The following FSTL4 variants were observed in gnomAD, a reference collection of about 807,000 sequenced individuals.
FSTL4 encodes the protein follistatin like 4.
A neutral mutation model predicts 78.2 loss-of-function variants in FSTL4; 28 were observed. The observed-to-expected ratio is 0.36, with a 90% CI of 0.27 to 0.49. The LOEUF is 0.49. Ranked by LOEUF, FSTL4 falls within the 20% of genes least tolerant of loss-of-function variation. The pLI, the probability that FSTL4 is intolerant of heterozygous loss-of-function variation, is 0.98. For missense variants in FSTL4, 922 were observed against 1,084.9 expected (o/e 0.85, Z 2.11); for synonymous variants, 422 against 440.5 (o/e 0.96, Z 0.53).
At chr5:133,434,405 G>A (rs578150208) in intron 3 of FSTL4, among the ~76,000 whole-genome samples, 1 of 152,264 alleles carries the variant, frequency 6.6e-6, no homozygotes, top group South Asian at 2.1e-4. Context: ...TTTATATCAT[G>A]CTTTTAAACT....
At chr5:133,367,009 A>G (rs1335827258) in intron 4 of FSTL4, among the ~76,000 whole-genome samples, 3 of 152,196 alleles carry the variant, frequency 2.0e-5, no homozygotes, top group Non-Finnish European at 4.4e-5. Context: ...GCAGGATGAG[A>G]AGGCATCCCC....
intron 3 of FSTL4, among the ~76,000 whole-genome samples, chr5:133,425,305 C>G (rs1036997742): frequency 6.6e-6 from 1 of 152,194 alleles, no homozygotes; most frequent in African/African-American, 2.4e-5. Flanking sequence ...CCTGTCCCAG[C>G]CTGGTCTTGT....
chr5:133,359,984 A>G (rs1397809026), intron 4 of FSTL4, among the ~76,000 whole-genome samples: 1 of 152,174 alleles, frequency 6.6e-6, no homozygotes, highest in African/African-American at 2.4e-5. Flanking sequence ...AGCCTGCCTC[A>G]AGGCTCTCTG....
At chr5:133,785,948 A>G in the FSTL4 span, among the ~76,000 whole-genome samples, 3 of 152,200 alleles carry the variant, frequency 2.0e-5, no homozygotes, top group African/African-American at 7.2e-5. Context: ...GCCAGGAGGT[A>G]GGACAAGTAG....
At chr5:133,331,952 T>C (rs1332566696) in intron 4 of FSTL4, among the ~76,000 whole-genome samples, 3 of 152,170 alleles carry the variant, frequency 2.0e-5, no homozygotes, top group Non-Finnish European at 4.4e-5. Context: ...CCCTCATTTC[T>C]GTGAAAGTCG....
At position 133,406,214 on chromosome 5, in the gene FSTL4, G is replaced by A. The variant is rs1410076177; in HGVS notation, c.161-5228C>T. Among the ~76,000 whole-genome samples, 3 of 152,210 alleles carry A rather than the reference G, an allele frequency of 2.0e-5. No individual in the cohort carries two copies. The East Asian group carries it at 5.8e-4, about 29-fold the overall frequency. On this transcript the variant is annotated intron_variant, in intron 3 of 15. Coordinates refer to ENST00000265342, the MANE Select transcript of FSTL4 (RefSeq NM_015082.2). ...GGCAGAGACCTGGGGGAAGGAGAGA[G>A]TGGAGCACCCTTGGGTGCCCTGGAA... is the stretch of plus-strand genomic sequence containing the variant.
At chr5:133,212,392 T>C (rs536559085) in intron 13 of FSTL4, among the ~76,000 whole-genome samples, 4 of 152,232 alleles carry the variant, frequency 2.6e-5, no homozygotes, top group Admixed American at 6.5e-5. Flanking sequence ...AGCAAGGCTA[T>C]GGCAGCCAAG....
intron 4 of FSTL4, among the ~76,000 whole-genome samples, chr5:133,330,522 A>G (rs539038105): frequency 2.6e-5 from 4 of 152,276 alleles, no homozygotes; most frequent in Admixed American, 2.6e-4. Context: ...GATGGTGCCA[A>G]GCCATTCATG....
rs1162440450 is a variant in FSTL4 at position 133,199,452 on chromosome 5, G to C, written c.2172C>G (p.Thr724=). 3.1e-6 allele frequency: 5 copies of C among 1,614,180 alleles called. No homozygotes were observed. The South Asian group carries it at 5.5e-5, about 18-fold the overall frequency. ...QEITVRGEIQ[T]LYDLQINSGI... ...CCGAGTTTATTTGCAGGTCATACAGGGTCTGGATCTCGCCCCGCACTGTGA... is the reference window on the plus strand; with the variant it reads ...CCGAGTTTATTTGCAGGTCATACAGCGTCTGGATCTCGCCCCGCACTGTGA... Residue 724 remains threonine, a synonymous_variant, in exon 16 of 16, where the codon ACC becomes ACG. Coordinates refer to ENST00000265342, the MANE Select transcript of FSTL4 (RefSeq NM_015082.2). The surrounding 1 kb of genome is among the most constrained non-coding windows in gnomAD (Gnocchi z 4.4).
intron 13 of FSTL4, among the ~76,000 whole-genome samples, chr5:133,215,345 GGA>G (rs1298231421): frequency 1.3e-5 from 2 of 152,172 alleles, no homozygotes; most frequent in East Asian, 3.9e-4. Flanking sequence ...CCAGTTTCCT[GGA>G]TTAATACAGT....
chr5:133,815,678 G>A, the FSTL4 span, among the ~76,000 whole-genome samples: 160 of 152,288 alleles, frequency 1.1e-3, 4 homozygotes, highest in East Asian at 0.022. Context: ...TTAGGGGTAC[G>A]GTTTGGGAAT....
At chr5:133,422,712 T>C (rs1756724597) in intron 3 of FSTL4, among the ~76,000 whole-genome samples, 1 of 152,180 alleles carries the variant, frequency 6.6e-6, no homozygotes, top group Non-Finnish European at 1.5e-5. Flanking sequence ...ACCTAGGGAA[T>C]GAGAGTAAAT....
intron 4 of FSTL4, among the ~76,000 whole-genome samples, chr5:133,332,234 G>A (rs559421726): frequency 3.8e-4 from 58 of 152,300 alleles, no homozygotes; most frequent in African/African-American, 1.3e-3. Flanking sequence ...GGAAAGGAGC[G>A]AAAGCAGCAG....
chr5:133,208,385 T>TG (rs1209270885), intron 14 of FSTL4: 2 of 152,236 alleles, frequency 1.3e-5, no homozygotes, highest in African/African-American at 4.8e-5. Flanking sequence ...TCTTAAAACT[T>TG]GGAGTGCTGG....
intron 3 of FSTL4, among the ~76,000 whole-genome samples, chr5:133,410,294 G>A (rs987018478): frequency 6.6e-6 from 1 of 152,088 alleles, no homozygotes; most frequent in Non-Finnish European, 1.5e-5. Flanking sequence ...CTTATTCCCT[G>A]TCACCGGCCC....
chr5:133,546,492 C>T (rs2545543), intron 3 of FSTL4, among the ~76,000 whole-genome samples: 55,195 of 129,240 alleles, frequency 0.43, 11,341 homozygotes, highest in African/African-American at 0.5. Flanking sequence ...GCTGACAGAG[C>T]GAGACTTTGT....
At chr5:133,357,003 A>G (rs989883492) in intron 4 of FSTL4, among the ~76,000 whole-genome samples, 2 of 152,336 alleles carry the variant, frequency 1.3e-5, no homozygotes, top group Admixed American at 1.3e-4. Context: ...CCAGCACCCA[A>G]CTAAAGGTTG....
chr5:133,718,831 G>A, the FSTL4 span, among the ~76,000 whole-genome samples: 3 of 152,216 alleles, frequency 2.0e-5, no homozygotes, highest in African/African-American at 7.2e-5. Context: ...TCAAGTAAAT[G>A]TATTACTGCC....
At chr5:133,441,258 T>C (rs1757154466) in intron 3 of FSTL4, among the ~76,000 whole-genome samples, 1 of 152,054 alleles carries the variant, frequency 6.6e-6, no homozygotes, top group South Asian at 2.1e-4. Flanking sequence ...CTGGTACTTA[T>C]CCAGCAACTC....
Sources: allele counts gnomAD v4.1 joint callset (sites outside exome capture counted in the v4.1 genomes callset), GRCh38; gene constraint gnomAD v4.1.1; non-coding constraint Gnocchi (gnomAD v3.1); transcripts MANE v1.5; gene names NCBI Gene and HGNC (gene_info 2026-07-23, HGNC 2026-07-21).